JAKMIP3: variants seen among roughly 807,000 people sequenced by gnomAD.
JAKMIP3 encodes janus kinase and microtubule-interacting protein 3.
In JAKMIP3, 58 loss-of-function variants were observed where a neutral mutation model predicts 118.5. The observed-to-expected ratio is 0.49, with a 90% CI of 0.40 to 0.61. JAKMIP3 has a LOEUF of 0.61. JAKMIP3 is among the 20% of genes least tolerant of loss of function. The pLI is 0.00. For synonymous variants in JAKMIP3, 486 were observed against 451.2 expected (o/e 1.08, Z -0.98); for missense variants, 950 against 1,109.0 (o/e 0.86, Z 2.04).
chr10:132,123,424 A>T (rs1311909219), intron 3 of JAKMIP3, among the ~76,000 whole-genome samples: 1 of 152,222 alleles, frequency 6.6e-6, no homozygotes, highest in African/African-American at 2.4e-5. Context: ...GTGATTTCTA[A>T]TATTGGTTCC....
rs545086332 is a variant in JAKMIP3 at position 132,156,266 on chromosome 10, C to T, written c.2220+2276C>T. ...CTTGGCCTCTGCTCTCCAGCCTCCT[C>T]GTACCCCCTTATCCTCCTCCATCCT... On this transcript the variant is annotated intron_variant, in intron 19 of 23. Transcript: ENST00000684848. Among the ~76,000 whole-genome samples, 10 of 152,308 alleles carry T rather than the reference C, an allele frequency of 6.6e-5. No individual in the cohort carries two copies. The Middle Eastern group carries it at 0.01, about 155-fold the overall frequency.
chr10:132,146,044 G>A (rs1404898810), intron 13 of JAKMIP3, among the ~76,000 whole-genome samples: 1 of 152,172 alleles, frequency 6.6e-6, no homozygotes, highest in East Asian at 1.9e-4. Context: ...GTGCGTGTTT[G>A]AGACTTCGGC....
At chr10:132,102,557 G>A (rs1293909206) in intron 1 of JAKMIP3, among the ~76,000 whole-genome samples, 2 of 152,200 alleles carry the variant, frequency 1.3e-5, no homozygotes, top group African/African-American at 2.4e-5. Context: ...AGGGTGAGAC[G>A]TGCCCAGCCT....
In JAKMIP3 at chr10:132,117,234, A is replaced by G; in HGVS notation, c.293A>G (p.His98Arg). Residue 98 changes from histidine (H) to arginine (R), a missense_variant, in exon 3 of 24, where the codon CAT (histidine) becomes CGT (arginine). Transcript: ENST00000684848. This position sits in a 1 kb window ranked among gnomAD's most constrained non-coding sequence, Gnocchi z 8.6. Reference protein sequence around the residue: ...QAVRETLLRQHEAELLRVIKI... With the variant: ...QAVRETLLRQREAELLRVIKI... ...GTGCGTGAGACGCTGCTGCGGCAGC[A>G]TGAGGCTGAGCTGCTCAGGGTCATC... The G allele has an allele frequency of 6.2e-7, 1 of 1,613,942 alleles. No homozygotes were observed. Among genetic ancestry groups the G allele is most frequent in the Non-Finnish European group, 8.5e-7 (1 of 1,179,896 alleles).
chr10:132,136,935 G>A, intron 6 of JAKMIP3, 84 bp from the exon 7 acceptor site: 2 of 1,483,972 alleles, frequency 1.3e-6, no homozygotes, highest in African/African-American at 1.4e-5. Flanking sequence ...CCGGGTTGAG[G>A]GAGAAGACCC....
At chr10:132,099,587 C>T (rs2044506570) in intron 1 of JAKMIP3, among the ~76,000 whole-genome samples, 2 of 152,204 alleles carry the variant, frequency 1.3e-5, no homozygotes, top group South Asian at 4.1e-4. Flanking sequence ...GGTGCAAACT[C>T]AACCTCTCTT....
chr10:132,152,882 C>A, intron 16 of JAKMIP3, 76 bp from the exon 17 acceptor site: 2 of 1,206,436 alleles, frequency 1.7e-6, no homozygotes, highest in Non-Finnish European at 2.4e-6. Context: ...AGTCAGCTTC[C>A]CCATGCATCC....
chr10:132,116,929 G>A (rs1006021113), intron 2 of JAKMIP3, 148 bp from the exon 3 acceptor site: 6 of 843,562 alleles, frequency 7.1e-6, no homozygotes, highest in Admixed American at 2.8e-5. Context: ...ACATTCAGGT[G>A]TGAGTGTGTG....
intron 23 of JAKMIP3, among the ~76,000 whole-genome samples, chr10:132,178,232 C>A (rs2060370783): frequency 6.6e-6 from 1 of 152,236 alleles, no homozygotes; most frequent in Non-Finnish European, 1.5e-5. Flanking sequence ...GTGTGAGCCA[C>A]ATGGGGCTCC....
At chr10:132,162,020 C>T (rs9419211) in intron 19 of JAKMIP3, among the ~76,000 whole-genome samples, 5 of 147,300 alleles carry the variant, frequency 3.4e-5, no homozygotes, top group Non-Finnish European at 4.6e-5. Flanking sequence ...CACACTCGCC[C>T]GGTTCTCTCC....
chr10:132,135,797 C>T (rs772859103), intron 5 of JAKMIP3, 133 bp from the exon 6 acceptor site: 21 of 940,456 alleles, frequency 2.2e-5, no homozygotes, highest in Middle Eastern at 3.2e-4. Context: ...CACTTGGAGG[C>T]GTGGACTTCC....
intron 1 of JAKMIP3, among the ~76,000 whole-genome samples, chr10:132,058,589 T>C (rs2038309317): frequency 6.6e-6 from 1 of 152,204 alleles, no homozygotes; most frequent in Admixed American, 6.5e-5. Flanking sequence ...CAATGACTCA[T>C]TTGCCGTGGG....
intron 1 of JAKMIP3, among the ~76,000 whole-genome samples, chr10:132,053,744 T>C (rs2038157604): frequency 6.6e-6 from 1 of 152,108 alleles, no homozygotes. Flanking sequence ...GAGAACAAAA[T>C]GCTGGCCACT....
At chr10:132,114,481 C>T (rs377300115) in intron 2 of JAKMIP3, among the ~76,000 whole-genome samples, 30 of 152,312 alleles carry the variant, frequency 2.0e-4, no homozygotes, top group East Asian at 1.7e-3. Flanking sequence ...CTGCCTCCCA[C>T]AGTGCTGGGA....
intron 21 of JAKMIP3, among the ~76,000 whole-genome samples, chr10:132,166,360 A>G (rs1339127314): frequency 4.6e-5 from 7 of 152,080 alleles, no homozygotes; most frequent in Non-Finnish European, 1.0e-4. Flanking sequence ...TATTTCTTAA[A>G]TCTAGCTAAA....
intron 1 of JAKMIP3, among the ~76,000 whole-genome samples, chr10:132,090,466 C>T (rs1014637205): frequency 7.2e-5 from 11 of 152,100 alleles, no homozygotes; most frequent in African/African-American, 2.2e-4. Flanking sequence ...GGAATTCATC[C>T]GTTTCTTCTA....
At chr10:132,182,053 C>G (rs913813022) in intron 23 of JAKMIP3, among the ~76,000 whole-genome samples, 3 of 152,214 alleles carry the variant, frequency 2.0e-5, no homozygotes, top group African/African-American at 7.2e-5. Context: ...GGCTGCTGGC[C>G]CAGACATGGT....
upstream of JAKMIP3, among the ~76,000 whole-genome samples, chr10:132,065,002 G>T (rs1351834584): frequency 1.3e-5 from 2 of 152,128 alleles, no homozygotes; most frequent in Non-Finnish European, 1.5e-5. This position sits in a 1 kb window ranked among gnomAD's most constrained non-coding sequence, Gnocchi z 5.6. Context: ...GGGGATGTAG[G>T]GTCCTCCCAG....
At chr10:132,051,353 G>A (rs1297648001) in intron 1 of JAKMIP3, among the ~76,000 whole-genome samples, 1 of 148,652 alleles carries the variant, frequency 6.7e-6, no homozygotes, top group African/African-American at 2.5e-5. Flanking sequence ...AATTCCAGCT[G>A]TTCTGGTTGG....
Sources: gnomAD v4.1 joint callset for allele counts (sites outside exome capture counted in the v4.1 genomes callset) on GRCh38, gnomAD v4.1.1 for gene constraint, Gnocchi (gnomAD v3.1) non-coding constraint, MANE v1.5 for transcripts, NCBI Gene and HGNC (gene_info 2026-07-23, HGNC 2026-07-21) for gene names.